OMA1: variants seen among roughly 807,000 people sequenced by gnomAD.
OMA1 encodes the protein metalloendopeptidase OMA1, mitochondrial.
Under a neutral mutation model 30.9 loss-of-function variants are expected in OMA1, and 38 were observed. That is an observed-to-expected ratio of 1.23 (90% confidence interval 0.95 to 1.61). The LOEUF (loss-of-function observed/expected upper bound fraction) is 1.61, where lower values mean the gene tolerates loss of function less well. OMA1 is among the 40% of genes most tolerant of loss of function. The pLI is 0.00. For synonymous variants in OMA1, 173 were observed against 121.9 expected (o/e 1.42, Z -2.76); for missense variants, 461 against 349.2 (o/e 1.32, Z -2.55).
At chr1:58,519,457 C>T (rs553360621) in intron 7 of OMA1, among the ~76,000 whole-genome samples, 5 of 152,252 alleles carry the variant, frequency 3.3e-5, no homozygotes, top group African/African-American at 1.2e-4. Context: ...AGATCGCTGT[C>T]CTACAATCTT....
At chr1:58,483,256 C>T (rs1645519563) in intron 8 of OMA1, among the ~76,000 whole-genome samples, 1 of 152,166 alleles carries the variant, frequency 6.6e-6, no homozygotes, top group Non-Finnish European at 1.5e-5. Flanking sequence ...TGAAAGCAGG[C>T]TCAAACATAT....
chr1:58,517,131 A>T (rs1479278572), intron 7 of OMA1, among the ~76,000 whole-genome samples: 1 of 152,210 alleles, frequency 6.6e-6, no homozygotes, highest in Non-Finnish European at 1.5e-5. Flanking sequence ...CACTAGTCAG[A>T]CTACAAAACA....
At chr1:58,524,000 T>C (rs1229012428) in intron 7 of OMA1, among the ~76,000 whole-genome samples, 1 of 152,218 alleles carries the variant, frequency 6.6e-6, no homozygotes, top group East Asian at 1.9e-4. Flanking sequence ...GTTCTCATTG[T>C]GTAGCAGGCC....
At chr1:58,513,767 TA>T (rs1334021129) in intron 7 of OMA1, among the ~76,000 whole-genome samples, 2 of 152,212 alleles carry the variant, frequency 1.3e-5, no homozygotes, top group Non-Finnish European at 2.9e-5. Flanking sequence ...CACATTATAT[TA>T]ACTCATTTAA....
chr1:58,493,299 C>T (rs1645733616), intron 8 of OMA1, among the ~76,000 whole-genome samples: 3 of 152,190 alleles, frequency 2.0e-5, no homozygotes, highest in Admixed American at 6.5e-5. Context: ...GACAAACTCA[C>T]AGCCAATATC....
At chr1:58,540,774 T>C (rs1021019743) in intron 1 of OMA1, among the ~76,000 whole-genome samples, 2 of 151,376 alleles carry the variant, frequency 1.3e-5, no homozygotes, top group East Asian at 3.9e-4. Context: ...CTAATATTCA[T>C]CTAACTGAAG....
chr1:58,541,095 A>C (rs1403482639), intron 1 of OMA1, among the ~76,000 whole-genome samples: 1 of 83,212 alleles, frequency 1.2e-5, no homozygotes, highest in Non-Finnish European at 2.7e-5. Flanking sequence ...GGATCATTTG[A>C]GGTCAGGCAT....
intron 7 of OMA1, among the ~76,000 whole-genome samples, chr1:58,526,896 T>A (rs1646360027): frequency 6.6e-6 from 1 of 152,144 alleles, no homozygotes; most frequent in Non-Finnish European, 1.5e-5. Context: ...ACACATTACA[T>A]AACCAAATGT....
intron 7 of OMA1, among the ~76,000 whole-genome samples, chr1:58,509,732 A>C (rs1646045261): frequency 6.6e-6 from 1 of 151,822 alleles, no homozygotes; most frequent in South Asian, 2.1e-4. Flanking sequence ...GGAAAGATTT[A>C]CAAAACTGAC....
chr1:58,531,432 A>C (rs1033993473), intron 5 of OMA1, among the ~76,000 whole-genome samples: 3 of 152,242 alleles, frequency 2.0e-5, no homozygotes, highest in Admixed American at 6.5e-5. Context: ...GATTTTTCAT[A>C]AAATAGTTGT....
chr1:58,518,660 T>G (rs1343457994), intron 7 of OMA1, among the ~76,000 whole-genome samples: 5 of 151,752 alleles, frequency 3.3e-5, no homozygotes, highest in Non-Finnish European at 1.5e-5. Context: ...TCCAGGGTTT[T>G]TTTTCCAAAA....
Position 58,480,857 on chromosome 1 carries a change from C to A in OMA1, c.*108G>T. ...ATATCTGTAATGTACATGATTTGAC[C>A]CTGAATATCCTTTTTTTTTTCACTT... On this transcript the variant is annotated 3_prime_UTR_variant, in exon 9 of 9. Transcript: ENST00000371226. The A allele has an allele frequency of 6.1e-6, 4 of 655,978 alleles. No individual in the cohort carries two copies. The highest frequency in any genetic ancestry group is 3.1e-5 in the Admixed American group (1 of 32,682). 40.6% of individuals were successfully genotyped at this position (655,978 alleles called of 1,614,324 possible).
intron 2 of OMA1, 151 bp downstream of exon 2, chr1:58,538,644 C>A: frequency 2.1e-6 from 1 of 480,070 alleles, no homozygotes; most frequent in South Asian, 4.6e-5. Context: ...TCACTTTGAG[C>A]TAAATGGGGG....
chr1:58,529,941 C>T (rs1251115489), intron 6 of OMA1, among the ~76,000 whole-genome samples: 2 of 151,986 alleles, frequency 1.3e-5, no homozygotes, highest in East Asian at 1.9e-4. Flanking sequence ...AGTGCAGTGG[C>T]GCAATCTCGG....
At chr1:58,486,494 C>A (rs1312753970) in intron 8 of OMA1, among the ~76,000 whole-genome samples, 1 of 152,156 alleles carries the variant, frequency 6.6e-6, no homozygotes, top group Admixed American at 6.6e-5. Context: ...CTATTTTTCA[C>A]CCACTATTAT....
chr1:58,482,135 A>G (rs1268331526), intron 8 of OMA1, among the ~76,000 whole-genome samples: 3 of 152,232 alleles, frequency 2.0e-5, no homozygotes, highest in African/African-American at 7.2e-5. Context: ...GATGAAACCA[A>G]AAAGTACAAT....
At chr1:58,497,677 A>G (rs1645826551) in intron 8 of OMA1, among the ~76,000 whole-genome samples, 1 of 152,196 alleles carries the variant, frequency 6.6e-6, no homozygotes, top group African/African-American at 2.4e-5. Flanking sequence ...CTAATTTGCA[A>G]GTATGTCTCC....
At chr1:58,528,789 C>T (rs1185407062) in intron 6 of OMA1, among the ~76,000 whole-genome samples, 1 of 152,224 alleles carries the variant, frequency 6.6e-6, no homozygotes, top group Non-Finnish European at 1.5e-5. Flanking sequence ...GCTCTCCAAT[C>T]ACAGTGAGCA....
rs1646482169 is a variant in OMA1 at position 58,534,271 on chromosome 1, T to C, written c.790A>G (p.Lys264Glu). The change falls in exon 4 of 9, where the codon AAA becomes GAA. Residue 264 changes from lysine (K) to glutamate (E), a missense_variant. By Grantham distance (56) the Lys-to-Glu change is moderately conservative. Transcript: ENST00000371226. ...TCAATTAGATGACAAAGCACTTCTT[T>C]AACAGCCAGGTATCGGGCATCTTTC... ...TEKDARYLAV[K>E]EVLCHLIECN... is the part of the protein sequence containing the mutation. 2.3e-6 allele frequency: 2 copies of C among 871,164 alleles called. No individual in the cohort carries two copies. The highest frequency in any genetic ancestry group is 4.0e-6 in the Non-Finnish European group (2 of 501,356). 54.0% of individuals were successfully genotyped at this position (871,164 alleles called of 1,614,324 possible). A position where few individuals can be genotyped will look rare whatever the true frequency, so the allele number is the denominator to read the frequency against.
Sources: allele counts gnomAD v4.1 joint callset (sites outside exome capture counted in the v4.1 genomes callset), GRCh38; gene constraint gnomAD v4.1.1; transcripts MANE v1.5; gene names NCBI Gene and HGNC (gene_info 2026-07-23, HGNC 2026-07-21).